The following ALDH7A1 variants were observed in gnomAD, a reference collection of about 807,000 sequenced individuals.
The protein encoded by ALDH7A1 is aldehyde dehydrogenase 7 family member A1.
Under a neutral mutation model 79.9 loss-of-function variants are expected in ALDH7A1, and 63 were observed. The ratio of observed to expected loss-of-function variants is 0.79; its 90% CI spans 0.64 to 0.97. The LOEUF (loss-of-function observed/expected upper bound fraction) is 0.97, where lower values mean the gene tolerates loss of function less well. Among genes scored for constraint, ALDH7A1 ranks in the 50% least tolerant of loss-of-function variants. The pLI is 0.00. For synonymous variants in ALDH7A1, 240 were observed against 231.2 expected, an observed-to-expected ratio of 1.04 and a Z score of -0.34; for missense variants, 627 against 665.2, an observed-to-expected ratio of 0.94 and a Z score of 0.63.
intron 17 of ALDH7A1, among the ~76,000 whole-genome samples, chr5:126,545,434 T>C (rs1430956052): frequency 6.6e-6 from 1 of 151,698 alleles, no homozygotes; most frequent in East Asian, 2.0e-4. Flanking sequence ...GGCTAATTTT[T>C]GTATTTTTAG....
chr5:126,565,747 T>G (rs1256639727), intron 9 of ALDH7A1, among the ~76,000 whole-genome samples: 2 of 152,228 alleles, frequency 1.3e-5, no homozygotes, highest in Non-Finnish European at 2.9e-5. Flanking sequence ...TTTGATACAT[T>G]TGGAGTTTGT....
At chr5:126,547,387 C>T (rs1749824854) in intron 16 of ALDH7A1, among the ~76,000 whole-genome samples, 1 of 152,224 alleles carries the variant, frequency 6.6e-6, no homozygotes, top group Admixed American at 6.5e-5. Flanking sequence ...AAGAGACTCC[C>T]TATCCAGCTA....
Position 126,592,682 on chromosome 5 carries a change from T to C in ALDH7A1, c.294A>G (p.Ala98=). The stretch of plus-strand genomic sequence containing the variant: ...TACTTACATCTGCCCAGATTTTCCA[T>C]GCTTCTCTTGCTTTCTTTACAGTTT... The part of the protein sequence containing the change: ...YEETVKKARE[A]WKIWADIPAP... Residue 98 remains alanine (A), a synonymous_variant, in exon 3 of 18, where the codon GCA becomes GCG. Transcript: ENST00000409134. The C allele has an allele frequency of 1.9e-6, 3 of 1,614,134 alleles. No individual in the cohort carries two copies. The highest frequency in any genetic ancestry group is 2.5e-6 in the Non-Finnish European group (3 of 1,180,020).
At chr5:126,572,772 T>C (rs532635567) in intron 7 of ALDH7A1, among the ~76,000 whole-genome samples, 2 of 152,320 alleles carry the variant, frequency 1.3e-5, no homozygotes, top group East Asian at 3.9e-4. Flanking sequence ...ACCTCTCCAA[T>C]GGGGCTCTCA....
intron 9 of ALDH7A1, among the ~76,000 whole-genome samples, chr5:126,563,440 TGACA>T (rs1234641498): frequency 1.3e-5 from 2 of 152,236 alleles, no homozygotes; most frequent in Non-Finnish European, 1.5e-5. Context: ...TTAGGACTCT[TGACA>T]GACATTGCCA....
intron 5 of ALDH7A1, among the ~76,000 whole-genome samples, chr5:126,577,782 T>A (rs1581389368): frequency 6.6e-6 from 1 of 151,712 alleles, no homozygotes; most frequent in African/African-American, 2.4e-5. Flanking sequence ...CCCAGGCTGG[T>A]CTCAAACTCC....
Position 126,549,998 on chromosome 5 carries a change from T to C in ALDH7A1, c.1420A>G (p.Lys474Glu). The change falls in exon 16 of 18, where the codon AAA (lysine) becomes GAA (glutamate). Residue 474 changes from lysine to glutamate, a missense_variant. Transcript: ENST00000409134. ...TTTACAATGCCACAGTCTGATCCTT[T>C]AGGTCTGTGTAAAAAGGGAGGCATG... is the stretch of plus-strand genomic sequence containing the variant. ...LGRIFRWLGP[K>E]GSDCGIVNVN... The C allele has an allele frequency of 6.2e-7, 1 of 1,614,138 alleles. No individual in the cohort carries two copies.
chr5:126,584,741 G>A (rs1392929179), intron 3 of ALDH7A1, among the ~76,000 whole-genome samples: 2 of 145,702 alleles, frequency 1.4e-5, no homozygotes, highest in Non-Finnish European at 3.0e-5. Flanking sequence ...GAGTAGAATT[G>A]ACAGGACACA....
intron 5 of ALDH7A1, among the ~76,000 whole-genome samples, chr5:126,578,520 G>A (rs957195450): frequency 7.3e-5 from 11 of 151,270 alleles, no homozygotes; most frequent in African/African-American, 2.7e-4. Context: ...TTATATGCCT[G>A]TAGTCCCAGC....
intron 7 of ALDH7A1, among the ~76,000 whole-genome samples, chr5:126,573,885 C>T (rs1228465664): frequency 2.0e-5 from 3 of 150,934 alleles, no homozygotes; most frequent in East Asian, 2.0e-4. Flanking sequence ...AAAAAATTAG[C>T]CCGGCGTGGT....
At chr5:126,573,428 G>C (rs549855191) in intron 7 of ALDH7A1, among the ~76,000 whole-genome samples, 3 of 151,858 alleles carry the variant, frequency 2.0e-5, no homozygotes, top group African/African-American at 7.3e-5. Flanking sequence ...AGCTGGGCAC[G>C]GTGGCTCACA....
At chr5:126,583,892 C>A in intron 4 of ALDH7A1, 40 bp downstream of exon 4, 2 of 1,483,340 alleles carry the variant, frequency 1.3e-6, no homozygotes, top group Non-Finnish European at 1.9e-6. Context: ...GCCTTATTGT[C>A]CACTCAAAGA....
At chr5:126,557,828 TA>T (rs886785824) in intron 11 of ALDH7A1, among the ~76,000 whole-genome samples, 1 of 151,780 alleles carries the variant, frequency 6.6e-6, no homozygotes, top group Non-Finnish European at 1.5e-5. Flanking sequence ...AGCTTAAAAA[TA>T]ATTTTTTTTA....
intron 7 of ALDH7A1, among the ~76,000 whole-genome samples, chr5:126,574,378 G>A (rs1448855372): frequency 6.0e-5 from 9 of 150,562 alleles, no homozygotes; most frequent in East Asian, 2.0e-4. Context: ...CCAGCCTGGC[G>A]ACAGAGCAAG....
chr5:126,558,310 G>C (rs1194515125), intron 11 of ALDH7A1, among the ~76,000 whole-genome samples: 3 of 151,544 alleles, frequency 2.0e-5, no homozygotes, highest in Admixed American at 2.0e-4. Context: ...TCTAAGTGTA[G>C]AGATTCAACT....
chr5:126,557,488 G>A (rs1363864516), intron 11 of ALDH7A1, among the ~76,000 whole-genome samples: 17 of 151,848 alleles, frequency 1.1e-4, no homozygotes, highest in Admixed American at 1.1e-3. Context: ...TCAGGAGGCT[G>A]AGGTGGGAGA....
rs200155555 is a variant in ALDH7A1, at chr5:126,542,500, C to CA, written c.*2464dup. On this transcript the variant is annotated 3_prime_UTR_variant, in exon 18 of 18. Coordinates refer to ENST00000409134, the MANE Select transcript of ALDH7A1 (RefSeq NM_001182.5). Reference sequence around the variant, plus strand: ...GCAATGTAGTATGACCCAATCTTTACAAAAAAAAATAATAATCAGCTGGGC... The same window carrying CA: ...GCAATGTAGTATGACCCAATCTTTACAAAAAAAAAATAATAATCAGCTGGGC... 1.1e-4 allele frequency: 17 copies of CA among 150,644 alleles called. No individual in the cohort carries two copies. The highest frequency in any genetic ancestry group is 2.1e-4 in the South Asian group (1 of 4,740). 9.3% of individuals were successfully genotyped at this position (150,644 alleles called of 1,614,324 possible).
chr5:126,581,903 G>A (rs573938200), intron 5 of ALDH7A1: 14 of 312,320 alleles, frequency 4.5e-5, no homozygotes, highest in African/African-American at 6.5e-5. Flanking sequence ...GCTTGAACCC[G>A]GGAGGTGGAG....
rs763952323 is a variant in ALDH7A1 at position 126,568,225 on chromosome 5, G to A, written c.871+34C>T. The A allele has an allele frequency of 1.9e-6, 3 of 1,600,614 alleles. No individual in the cohort carries two copies. In the East Asian group the frequency reaches 6.7e-5, roughly 36 times the overall value. On this transcript the variant is annotated intron_variant, in intron 9 of 17. Coordinates refer to ENST00000409134, the MANE Select transcript of ALDH7A1 (RefSeq NM_001182.5). ...TTAGATTTCACCTCCATATTTGAGAGAATTAAAATCCTCATTAGAAAGCCA... is the reference window on the plus strand; with the variant it reads ...TTAGATTTCACCTCCATATTTGAGAAAATTAAAATCCTCATTAGAAAGCCA...
Sources: allele counts gnomAD v4.1 joint callset (sites outside exome capture counted in the v4.1 genomes callset), GRCh38; gene constraint gnomAD v4.1.1; transcripts MANE v1.5; gene names NCBI Gene and HGNC (gene_info 2026-07-23, HGNC 2026-07-21).